CD247: variants seen among roughly 807,000 people sequenced by gnomAD.
The protein encoded by CD247 is CD247 molecule.
Under a neutral mutation model 30.0 loss-of-function variants are expected in CD247, and 13 were observed. The observed-to-expected ratio is 0.43, with a 90% CI of 0.28 to 0.69. CD247 has a LOEUF of 0.69. Ranked by LOEUF, CD247 falls within the 30% of genes least tolerant of loss-of-function variation. The pLI is 0.16. For missense variants in CD247, 193 were observed against 212.6 expected, an observed-to-expected ratio of 0.91 and a Z score of 0.57; for synonymous variants, 72 against 80.0, an observed-to-expected ratio of 0.90 and a Z score of 0.53.
intron 5 of CD247, chr1:167,434,838 C>A (rs1324912631): frequency 2.2e-6 from 1 of 460,164 alleles, no homozygotes; most frequent in Non-Finnish European, 4.4e-6. Context: ...TGAGACATTA[C>A]TCGATCCAAG....
chr1:167,463,565 C>CATCT (rs1242971241), intron 1 of CD247, among the ~76,000 whole-genome samples: 2 of 152,236 alleles, frequency 1.3e-5, no homozygotes, highest in African/African-American at 4.8e-5. Context: ...TTGTAACTTG[C>CATCT]ATCTCCTTTC....
chr1:167,474,865 G>C (rs1317379608), intron 1 of CD247, among the ~76,000 whole-genome samples: 2 of 147,900 alleles, frequency 1.4e-5, no homozygotes, highest in Non-Finnish European at 3.0e-5. Context: ...CGATTCTCCT[G>C]CCTCAGCCTC....
chr1:167,450,151 A>G (rs1291380177), intron 1 of CD247, among the ~76,000 whole-genome samples: 1 of 152,230 alleles, frequency 6.6e-6, no homozygotes, highest in Non-Finnish European at 1.5e-5. Flanking sequence ...TTCTAAGATG[A>G]ACAGCTTCAT....
At chr1:167,477,592 A>C (rs1387248770) in intron 1 of CD247, among the ~76,000 whole-genome samples, 2 of 152,150 alleles carry the variant, frequency 1.3e-5, no homozygotes, top group Non-Finnish European at 2.9e-5. Context: ...CCAGCACAGC[A>C]GATCGTAGCT....
intron 1 of CD247, among the ~76,000 whole-genome samples, chr1:167,455,791 T>C (rs1307739073): frequency 6.6e-6 from 1 of 152,078 alleles, no homozygotes; most frequent in Non-Finnish European, 1.5e-5. Flanking sequence ...GGTTTTTAGA[T>C]ATCAAAGGAG....
At chr1:167,510,300 T>A (rs1655333099) in intron 1 of CD247, among the ~76,000 whole-genome samples, 1 of 152,136 alleles carries the variant, frequency 6.6e-6, no homozygotes, top group Non-Finnish European at 1.5e-5. Flanking sequence ...CACCTGCACA[T>A]GCATGTCAGG....
At chr1:167,484,158 CAG>C (rs1303298020) in intron 1 of CD247, among the ~76,000 whole-genome samples, 2 of 152,238 alleles carry the variant, frequency 1.3e-5, no homozygotes, top group African/African-American at 4.8e-5. Context: ...CCCACACAGG[CAG>C]AGTCTTGAGT....
intron 1 of CD247, among the ~76,000 whole-genome samples, chr1:167,485,529 A>C (rs1012618868): frequency 6.6e-6 from 1 of 151,556 alleles, no homozygotes; most frequent in Admixed American, 6.6e-5. Context: ...AGACCCAGGA[A>C]AACGACCCAC....
chr1:167,431,589 G>T lies in CD247; in HGVS notation c.*92C>A. The T allele has an allele frequency of 9.5e-7, 1 of 1,048,284 alleles. No homozygotes were observed. The highest frequency in any genetic ancestry group is 1.5e-6 in the Non-Finnish European group (1 of 663,270). 64.9% of individuals were successfully genotyped at this position (1,048,284 alleles called of 1,614,324 possible). The stretch of plus-strand genomic sequence containing the variant: ...TAAAGGGGAATACTTCAGTGGCTGA[G>T]AAGAGTGAACCGGGTTGTAAATGCT... On this transcript the variant is annotated 3_prime_UTR_variant, in exon 8 of 8. Coordinates refer to ENST00000362089, the MANE Select transcript of CD247 (RefSeq NM_198053.3).
chr1:167,498,071 C>T (rs764497848), intron 1 of CD247, among the ~76,000 whole-genome samples: 26 of 152,270 alleles, frequency 1.7e-4, no homozygotes, highest in Non-Finnish European at 3.1e-4. Flanking sequence ...ATCTTGGGGA[C>T]CCTGGGATGT....
intron 3 of CD247, 125 bp from the exon 4 acceptor site, chr1:167,438,775 AG>A (rs1245064954): frequency 1.4e-5 from 11 of 767,650 alleles, no homozygotes; most frequent in Non-Finnish European, 2.6e-5. Context: ...GGGGCTGGGG[AG>A]GGGATGGTAA....
chr1:167,434,196 C>T (rs1295017435), intron 5 of CD247, 120 bp from the exon 6 acceptor site: 2 of 886,202 alleles, frequency 2.3e-6, no homozygotes, highest in African/African-American at 1.6e-5. Context: ...GGGAGGGCTC[C>T]CACAATCAAG....
intron 1 of CD247, among the ~76,000 whole-genome samples, chr1:167,509,919 A>G (rs912806322): frequency 1.3e-5 from 2 of 152,012 alleles, no homozygotes; most frequent in Non-Finnish European, 2.9e-5. Flanking sequence ...AAGATGAGAG[A>G]CCTCTGACGG....
At chr1:167,496,474 T>C (rs1053850180) in intron 1 of CD247, among the ~76,000 whole-genome samples, 6 of 152,218 alleles carry the variant, frequency 3.9e-5, no homozygotes, top group African/African-American at 1.4e-4. Flanking sequence ...GGGATCTGCT[T>C]AAAAGCAGCA....
rs1033503637 is a variant in CD247 at position 167,494,852 on chromosome 1, G to T, written c.58+23556C>A. On this transcript the variant is annotated intron_variant, in intron 1 of 7. Coordinates refer to ENST00000362089, the MANE Select transcript of CD247 (RefSeq NM_198053.3). The surrounding 1 kb of genome is among the most constrained non-coding windows in gnomAD (Gnocchi z 7.3). Reference sequence around the variant, plus strand: ...CCTTGGATTTCAGAGCTGGAAAGAGGGTTAGAGACCTATTCCAGGACTTTA... The same window carrying T: ...CCTTGGATTTCAGAGCTGGAAAGAGTGTTAGAGACCTATTCCAGGACTTTA... Among the ~76,000 whole-genome samples, 1 of 152,178 alleles carries T rather than the reference G, an allele frequency of 6.6e-6. No individual in the cohort carries two copies. The highest frequency in any genetic ancestry group is 2.4e-5 in the African/African-American group (1 of 41,444).
At chr1:167,449,713 A>G (rs1028291208) in intron 1 of CD247, among the ~76,000 whole-genome samples, 1 of 152,046 alleles carries the variant, frequency 6.6e-6, no homozygotes, top group African/African-American at 2.4e-5. Context: ...GCCTGAGGTC[A>G]GGAGTTTGAG....
chr1:167,491,962 T>C (rs960864996), intron 1 of CD247, among the ~76,000 whole-genome samples: 1 of 152,084 alleles, frequency 6.6e-6, no homozygotes, highest in Non-Finnish European at 1.5e-5. Flanking sequence ...TGTCAGGGGC[T>C]GGGAGGAGGC....
At chr1:167,498,743 A>C (rs1356038191) in intron 1 of CD247, among the ~76,000 whole-genome samples, 6 of 152,192 alleles carry the variant, frequency 3.9e-5, no homozygotes, top group African/African-American at 1.4e-4. Flanking sequence ...CCAAAACTTT[A>C]ATTTAGGTCT....
chr1:167,515,318 A>G (rs1655555235), intron 1 of CD247, among the ~76,000 whole-genome samples: 1 of 152,190 alleles, frequency 6.6e-6, no homozygotes, highest in Non-Finnish European at 1.5e-5. Flanking sequence ...TTCAGAATCT[A>G]GGTGGCCACC....
Sources: allele counts gnomAD v4.1 joint callset (sites outside exome capture counted in the v4.1 genomes callset), GRCh38; gene constraint gnomAD v4.1.1; non-coding constraint Gnocchi (gnomAD v3.1); transcripts MANE v1.5; gene names NCBI Gene and HGNC (gene_info 2026-07-23, HGNC 2026-07-21).